KHDRBS2: variants seen among roughly 807,000 people sequenced by gnomAD.
KHDRBS2 encodes the protein KH domain-containing, RNA-binding, signal transduction-associated protein 2.
In KHDRBS2, 26 loss-of-function variants were observed where a neutral mutation model predicts 44.3. The observed-to-expected ratio is 0.59, with a 90% confidence interval of 0.43 to 0.81. The LOEUF is 0.81. Ranked by LOEUF, KHDRBS2 falls within the 40% of genes least tolerant of loss-of-function variation. The pLI, the probability that KHDRBS2 is intolerant of heterozygous loss-of-function variation, is 0.00. For missense variants in KHDRBS2, 476 were observed against 433.1 expected, an observed-to-expected ratio of 1.10 and a Z score of -0.88; for synonymous variants, 194 against 151.1, an observed-to-expected ratio of 1.28 and a Z score of -2.08.
At chr6:62,199,443 AACAG>A (rs1364984660) in intron 1 of KHDRBS2, among the ~76,000 whole-genome samples, 7 of 151,754 alleles carry the variant, frequency 4.6e-5, no homozygotes, top group African/African-American at 7.2e-5. Flanking sequence ...ATACATCAAT[AACAG>A]ACAGAGAGCC....
chr6:62,098,015 A>C (rs1801001638), intron 2 of KHDRBS2, among the ~76,000 whole-genome samples: 1 of 152,120 alleles, frequency 6.6e-6, no homozygotes, highest in Non-Finnish European at 1.5e-5. Context: ...ACAAACAAAA[A>C]AAGTCTACAC....
intron 7 of KHDRBS2, among the ~76,000 whole-genome samples, chr6:61,711,145 T>C (rs913251976): frequency 1.3e-5 from 2 of 151,620 alleles, no homozygotes; most frequent in Non-Finnish European, 3.0e-5. Flanking sequence ...ACTAAATAAT[T>C]TCTATGTGAA....
intron 2 of KHDRBS2, among the ~76,000 whole-genome samples, chr6:62,155,744 G>C (rs976697039): frequency 6.6e-6 from 1 of 152,142 alleles, no homozygotes; most frequent in Non-Finnish European, 1.5e-5. Flanking sequence ...AAAATGAACA[G>C]TAGAAGCTAT....
chr6:61,800,636 A>C (rs2127589345), intron 6 of KHDRBS2, among the ~76,000 whole-genome samples: 1 of 152,190 alleles, frequency 6.6e-6, no homozygotes, highest in African/African-American at 2.4e-5. Flanking sequence ...AGCTGAATCT[A>C]TGTCCTTCTC....
chr6:61,585,549 T>A, the KHDRBS2 span, among the ~76,000 whole-genome samples: 1 of 152,122 alleles, frequency 6.6e-6, no homozygotes, highest in Admixed American at 6.6e-5. Context: ...ATTTGCAAGA[T>A]CTTTTCTGGA....
At chr6:61,557,480 T>C in the KHDRBS2 span, among the ~76,000 whole-genome samples, 5 of 152,216 alleles carry the variant, frequency 3.3e-5, no homozygotes, top group African/African-American at 1.2e-4. Flanking sequence ...GTAGGACACT[T>C]CTGGAAGCTT....
At chr6:61,948,876 T>A (rs561139467) in intron 4 of KHDRBS2, among the ~76,000 whole-genome samples, 1 of 151,946 alleles carries the variant, frequency 6.6e-6, no homozygotes, top group South Asian at 2.1e-4. Flanking sequence ...ATGGTGAGAA[T>A]AACAATGTGA....
At chr6:61,580,580 G>T in the KHDRBS2 span, among the ~76,000 whole-genome samples, 1 of 152,160 alleles carries the variant, frequency 6.6e-6, no homozygotes, top group South Asian at 2.1e-4. Flanking sequence ...GTAATACTCA[G>T]GGTGAGAGTC....
Position 62,230,180 on chromosome 6 carries a change from T to G in KHDRBS2, c.92-52868A>C, listed in dbSNP as rs530504674. Reference sequence around the variant, plus strand: ...AATGTATTTCAACTCCTTTTCTTCTTTATTACTTTAGGTTTATAAAACACT... The same window carrying G: ...AATGTATTTCAACTCCTTTTCTTCTGTATTACTTTAGGTTTATAAAACACT... On this transcript the variant is annotated intron_variant, in intron 1 of 8. Transcript: ENST00000281156. Among the ~76,000 whole-genome samples the G allele has an allele frequency of 2.0e-5, 3 of 152,344 alleles. No individual in the cohort carries two copies. In the South Asian group the frequency reaches 6.2e-4, roughly 32 times the overall value.
At chr6:62,020,192 AT>A (rs1781996269) in intron 3 of KHDRBS2, among the ~76,000 whole-genome samples, 1 of 151,992 alleles carries the variant, frequency 6.6e-6, no homozygotes, top group Non-Finnish European at 1.5e-5. Flanking sequence ...GAAGTGTACT[AT>A]TTAATTGCCA....
intron 2 of KHDRBS2, among the ~76,000 whole-genome samples, chr6:62,102,690 G>A (rs1479806399): frequency 6.6e-6 from 1 of 152,216 alleles, no homozygotes; most frequent in Non-Finnish European, 1.5e-5. Context: ...GGCACCAGCA[G>A]AGGGTGGGAA....
At chr6:61,977,360 C>T (rs1772888803) in intron 4 of KHDRBS2, among the ~76,000 whole-genome samples, 1 of 152,130 alleles carries the variant, frequency 6.6e-6, no homozygotes, top group African/African-American at 2.4e-5. Context: ...GCTAAATTGT[C>T]AATCTTTAGG....
chr6:61,748,608 A>G (rs1349822037), intron 6 of KHDRBS2, among the ~76,000 whole-genome samples: 1 of 152,224 alleles, frequency 6.6e-6, no homozygotes, highest in Non-Finnish European at 1.5e-5. Flanking sequence ...GTAACTATCA[A>G]ATGTAACTTA....
chr6:61,954,938 GTA>G (rs374663947), intron 4 of KHDRBS2, among the ~76,000 whole-genome samples: 2,704 of 27,556 alleles, frequency 0.098, 78 homozygotes, highest in South Asian at 0.2. Flanking sequence ...ACATACATAT[GTA>G]TGTGTATACA....
intron 1 of KHDRBS2, among the ~76,000 whole-genome samples, chr6:62,212,998 G>T (rs1268112637): frequency 2.0e-5 from 3 of 152,074 alleles, no homozygotes; most frequent in African/African-American, 7.2e-5. Context: ...GTAGAATATG[G>T]AAGACTTAAA....
At chr6:61,575,932 A>G in the KHDRBS2 span, among the ~76,000 whole-genome samples, 1 of 152,112 alleles carries the variant, frequency 6.6e-6, no homozygotes, top group African/African-American at 2.4e-5. Context: ...GAATGATATA[A>G]TGAACTTTGG....
intron 6 of KHDRBS2, among the ~76,000 whole-genome samples, chr6:61,872,668 C>T (rs62414692): frequency 0.17 from 25,316 of 151,956 alleles, 2,246 homozygotes; most frequent in Non-Finnish European, 0.2. Flanking sequence ...ATCATAAAGA[C>T]GTTAATTCTT....
chr6:61,782,246 T>C (rs1393257309), intron 6 of KHDRBS2, among the ~76,000 whole-genome samples: 1 of 152,122 alleles, frequency 6.6e-6, no homozygotes, highest in Non-Finnish European at 1.5e-5. Flanking sequence ...TAAATTCTTG[T>C]TTTATCAGGA....
chr6:62,013,713 T>C (rs1225565577), intron 3 of KHDRBS2, among the ~76,000 whole-genome samples: 1 of 152,222 alleles, frequency 6.6e-6, no homozygotes, highest in Non-Finnish European at 1.5e-5. Flanking sequence ...CATCCGTCCT[T>C]ACAGTAACTC....
Sources: allele counts gnomAD v4.1 joint callset (sites outside exome capture counted in the v4.1 genomes callset), GRCh38; gene constraint gnomAD v4.1.1; transcripts MANE v1.5; gene names NCBI Gene and HGNC (gene_info 2026-07-23, HGNC 2026-07-21).